Variants in SLC16A7 observed in about 807,000 individuals in gnomAD.
SLC16A7 encodes the protein monocarboxylate transporter 2.
A neutral mutation model predicts 34.9 loss-of-function variants in SLC16A7; 33 were observed. That is an observed-to-expected ratio of 0.94 (90% CI 0.72 to 1.26). The LOEUF (loss-of-function observed/expected upper bound fraction) is 1.26. Ranked by LOEUF, SLC16A7 falls within the 50% of genes most tolerant of loss-of-function variation. SLC16A7 has a pLI of 0.00. For synonymous variants in SLC16A7, 201 were observed against 206.6 expected, an observed-to-expected ratio of 0.97 and a Z score of 0.23; for missense variants, 573 against 578.1, an observed-to-expected ratio of 0.99 and a Z score of 0.09.
chr12:59,636,428 C>T (rs1206543244), intron 1 of SLC16A7, among the ~76,000 whole-genome samples: 2 of 151,844 alleles, frequency 1.3e-5, no homozygotes, highest in Non-Finnish European at 2.9e-5. Context: ...CTTTTTTTTA[C>T]ATCTGGTGAC....
Position 59,774,789 on chromosome 12 carries a change from A to G in SLC16A7, c.494A>G (p.Asn165Ser), listed in dbSNP as rs140263110. Residue 165 changes from asparagine to serine, a missense_variant, in exon 5 of 6, where the codon AAT becomes AGT. Coordinates refer to ENST00000547379, the MANE Select transcript of SLC16A7 (RefSeq NM_001270623.2). ...PVFLSSLAPF[N>S]QYLFNTFGWK... is the part of the protein sequence containing the mutation. ...TTCTTAAGTTCATTGGCTCCTTTCAATCAGTACCTTTTTAATACTTTTGGC... is the reference window on the plus strand; with the variant it reads ...TTCTTAAGTTCATTGGCTCCTTTCAGTCAGTACCTTTTTAATACTTTTGGC... 1.8e-5 allele frequency: 29 copies of G among 1,613,822 alleles called. No homozygotes were observed. Among genetic ancestry groups the G allele is most frequent in the Middle Eastern group, 1.6e-4 (1 of 6,084 alleles).
At position 59,674,941 on chromosome 12, in the gene SLC16A7, C is replaced by T. The variant is rs149484748; in HGVS notation, c.-31+19691C>T. Reference sequence around the variant, plus strand: ...TAGAGGGTTTAGGACTTCTAAAATACTAAGACTCAGTTACAGGTGTCTCAT... The same window carrying T: ...TAGAGGGTTTAGGACTTCTAAAATATTAAGACTCAGTTACAGGTGTCTCAT... On this transcript the variant is annotated intron_variant, in intron 2 of 5. Transcript: ENST00000547379. Among the ~76,000 whole-genome samples the T allele has an allele frequency of 3.8e-3, 575 of 152,276 alleles. 3 individuals carry two copies. Among genetic ancestry groups the T allele is most frequent in the Non-Finnish European group, 7.3e-3 (495 of 68,008 alleles).
At chr12:59,613,653 G>A (rs866135976) in intron 1 of SLC16A7, among the ~76,000 whole-genome samples, 9 of 152,142 alleles carry the variant, frequency 5.9e-5, no homozygotes, top group African/African-American at 1.9e-4. Context: ...AGACTATCAG[G>A]TAGAAGATAC....
intron 2 of SLC16A7, among the ~76,000 whole-genome samples, chr12:59,700,715 G>T (rs1413325405): frequency 6.6e-6 from 1 of 151,600 alleles, no homozygotes; most frequent in East Asian, 1.9e-4. Context: ...GATAGTTGTT[G>T]CCTTTTGGTA....
At chr12:59,646,028 A>G (rs1329157935) in intron 1 of SLC16A7, among the ~76,000 whole-genome samples, 1 of 152,088 alleles carries the variant, frequency 6.6e-6, no homozygotes, top group Admixed American at 6.6e-5. Context: ...CTAAGCAGCA[A>G]AATGTTCAAA....
intron 3 of SLC16A7, among the ~76,000 whole-genome samples, chr12:59,753,498 A>G (rs1879870073): frequency 6.6e-6 from 1 of 152,176 alleles, no homozygotes; most frequent in Non-Finnish European, 1.5e-5. Context: ...AAAGATCAAA[A>G]GAGACAAAGA....
At chr12:59,734,531 C>T (rs1179003487) in intron 3 of SLC16A7, among the ~76,000 whole-genome samples, 2 of 152,302 alleles carry the variant, frequency 1.3e-5, no homozygotes, top group South Asian at 2.1e-4. Context: ...TGCACCTGCA[C>T]TGGGAAGTGT....
At chr12:59,621,592 A>G (rs1879698590) in intron 1 of SLC16A7, among the ~76,000 whole-genome samples, 1 of 151,938 alleles carries the variant, frequency 6.6e-6, no homozygotes, top group Non-Finnish European at 1.5e-5. Context: ...TTAGATTACA[A>G]GGAACTTCAG....
At chr12:59,744,334 G>A (rs1878655167) in intron 3 of SLC16A7, among the ~76,000 whole-genome samples, 1 of 152,104 alleles carries the variant, frequency 6.6e-6, no homozygotes, top group Non-Finnish European at 1.5e-5. Context: ...TAGAGATTAT[G>A]GTTGGACGTC....
chr12:59,614,307 G>T (rs1430345572), intron 1 of SLC16A7, among the ~76,000 whole-genome samples: 2 of 152,060 alleles, frequency 1.3e-5, no homozygotes, highest in Non-Finnish European at 2.9e-5. Flanking sequence ...AAAGTGCTGG[G>T]ATTACAGGCA....
chr12:59,738,144 T>C (rs952740445), intron 3 of SLC16A7, among the ~76,000 whole-genome samples: 18 of 152,212 alleles, frequency 1.2e-4, no homozygotes, highest in African/African-American at 4.3e-4. Context: ...ATGTCTGGTC[T>C]AAACTATTTT....
chr12:59,739,753 G>A (rs1878069187), intron 3 of SLC16A7, among the ~76,000 whole-genome samples: 1 of 152,120 alleles, frequency 6.6e-6, no homozygotes, highest in Non-Finnish European at 1.5e-5. Context: ...GTGTGAGATG[G>A]TATCTCATTG....
At chr12:59,600,503 A>G (rs1878632724) in intron 1 of SLC16A7, among the ~76,000 whole-genome samples, 2 of 151,906 alleles carry the variant, frequency 1.3e-5, no homozygotes, top group African/African-American at 4.8e-5. Flanking sequence ...TCATTTTCTC[A>G]GTTGCTGCTA....
intron 1 of SLC16A7, among the ~76,000 whole-genome samples, chr12:59,631,738 C>A (rs960709118): frequency 6.6e-6 from 1 of 151,976 alleles, no homozygotes; most frequent in African/African-American, 2.4e-5. Flanking sequence ...CATGTGTTCT[C>A]ATTGTTCAGC....
intron 2 of SLC16A7, among the ~76,000 whole-genome samples, chr12:59,692,636 TA>T (rs779193282): frequency 2.0e-5 from 3 of 152,040 alleles, no homozygotes; most frequent in African/African-American, 7.2e-5. Context: ...TGGTTTATAT[TA>T]TTTTTTTCTA....
chr12:59,742,250 T>C (rs747481558), intron 3 of SLC16A7, among the ~76,000 whole-genome samples: 3 of 152,194 alleles, frequency 2.0e-5, no homozygotes, highest in Non-Finnish European at 4.4e-5. Context: ...CTCTTAATGC[T>C]CATGTCCAGG....
At chr12:59,598,744 T>G (rs1878543628) in intron 1 of SLC16A7, among the ~76,000 whole-genome samples, 1 of 152,216 alleles carries the variant, frequency 6.6e-6, no homozygotes, top group South Asian at 2.1e-4. Context: ...GTCAATGAAT[T>G]GATTTCCATT....
chr12:59,743,783 A>G (rs900062538), intron 3 of SLC16A7, among the ~76,000 whole-genome samples: 1 of 152,206 alleles, frequency 6.6e-6, no homozygotes, highest in African/African-American at 2.4e-5. Context: ...CTGAACTTAC[A>G]ATAATCTTAA....
intron 2 of SLC16A7, among the ~76,000 whole-genome samples, chr12:59,662,367 C>T (rs1486291534): frequency 1.3e-5 from 2 of 152,048 alleles, no homozygotes; most frequent in Admixed American, 1.3e-4. Flanking sequence ...ATTCCAAGGG[C>T]ACACAGGCTA....
Sources: gnomAD v4.1 joint callset for allele counts (sites outside exome capture counted in the v4.1 genomes callset) on GRCh38, gnomAD v4.1.1 for gene constraint, MANE v1.5 for transcripts, NCBI Gene and HGNC (gene_info 2026-07-23, HGNC 2026-07-21) for gene names.